ATP8B4: variants seen among roughly 807,000 people sequenced by gnomAD.
ATP8B4 encodes the protein ATPase phospholipid transporting 8B4 (putative), also known as probable phospholipid-transporting ATPase IM.
A neutral mutation model predicts 145.6 loss-of-function variants in ATP8B4; 133 were observed. The ratio of observed to expected loss-of-function variants is 0.91; its 90% CI spans 0.79 to 1.05. The LOEUF (loss-of-function observed/expected upper bound fraction) is 1.05, where lower values mean the gene tolerates loss of function less well. ATP8B4 is among the 50% of genes least tolerant of loss of function. ATP8B4 has a pLI of 0.00. For synonymous variants in ATP8B4, 507 were observed against 492.9 expected (o/e 1.03, Z -0.38); for missense variants, 1,458 against 1,425.2 (o/e 1.02, Z -0.37).
intron 1 of ATP8B4, among the ~76,000 whole-genome samples, chr15:50,143,781 G>A (rs563434850): frequency 1.4e-3 from 218 of 152,250 alleles, no homozygotes; most frequent in African/African-American, 4.9e-3. Context: ...ATGGAACAGC[G>A]TGATTAAAGG....
At chr15:49,931,497 C>T (rs1032258736) in intron 15 of ATP8B4, among the ~76,000 whole-genome samples, 190 bp from the exon 16 acceptor site, 2 of 151,998 alleles carry the variant, frequency 1.3e-5, no homozygotes, top group African/African-American at 4.8e-5. Flanking sequence ...CCATAGGACT[C>T]TATGCATATC....
At chr15:49,927,753 A>G (rs781567753) in intron 16 of ATP8B4, among the ~76,000 whole-genome samples, 1 of 152,042 alleles carries the variant, frequency 6.6e-6, no homozygotes, top group Non-Finnish European at 1.5e-5. Flanking sequence ...CATCAATAAC[A>G]CCTTCCCTGA....
intron 16 of ATP8B4, among the ~76,000 whole-genome samples, chr15:49,930,530 TG>T (rs1348314540): frequency 1.3e-5 from 2 of 152,002 alleles, no homozygotes; most frequent in African/African-American, 4.8e-5. Flanking sequence ...TCTCCAGCAA[TG>T]GAGGTGGACA....
chr15:49,898,816 G>A (rs778897861), intron 21 of ATP8B4, among the ~76,000 whole-genome samples: 1 of 152,170 alleles, frequency 6.6e-6, no homozygotes, highest in Non-Finnish European at 1.5e-5. Flanking sequence ...AGGGGGGCAC[G>A]CAAGCTGCGT....
intron 6 of ATP8B4, among the ~76,000 whole-genome samples, chr15:50,025,670 T>C (rs1157276447): frequency 1.3e-5 from 2 of 152,236 alleles, no homozygotes; most frequent in Non-Finnish European, 2.9e-5. Context: ...CCACACTCTT[T>C]TCCTTAGCAG....
chr15:49,919,086 G>T, intron 18 of ATP8B4, 136 bp from the exon 19 acceptor site: 1 of 659,588 alleles, frequency 1.5e-6, no homozygotes, highest in Non-Finnish European at 2.5e-6. Flanking sequence ...TGATATAGCA[G>T]GCATCCTATT....
chr15:49,912,681 T>C (rs2039351056), intron 20 of ATP8B4, among the ~76,000 whole-genome samples: 1 of 152,120 alleles, frequency 6.6e-6, no homozygotes, highest in African/African-American at 2.4e-5. Context: ...AAGGCCAGCA[T>C]TACCCTCATA....
chr15:50,173,570 C>T (rs1237168295), intron 1 of ATP8B4, among the ~76,000 whole-genome samples: 2 of 152,090 alleles, frequency 1.3e-5, no homozygotes, highest in African/African-American at 2.4e-5. Context: ...AGGCAGAAGG[C>T]GGCAGGGCCC....
chr15:49,879,868 G>A (rs931011343), intron 23 of ATP8B4: 2 of 154,948 alleles, frequency 1.3e-5, no homozygotes, highest in Non-Finnish European at 2.9e-5. Flanking sequence ...AAAATCTTCA[G>A]AGATAAATAT....
intron 1 of ATP8B4, among the ~76,000 whole-genome samples, chr15:50,156,256 G>A (rs894180751): frequency 1.3e-5 from 2 of 150,874 alleles, no homozygotes; most frequent in Non-Finnish European, 3.0e-5. Context: ...ACCAAACAAA[G>A]CAATTTTTAT....
chr15:49,981,413 T>C (rs2046143943), intron 10 of ATP8B4, 119 bp from the exon 11 acceptor site: 1 of 779,266 alleles, frequency 1.3e-6, no homozygotes, highest in Non-Finnish European at 2.0e-6. Flanking sequence ...AATTTAACTT[T>C]TATTAAGAGC....
At chr15:49,911,293 G>A (rs1487789123) in intron 20 of ATP8B4, among the ~76,000 whole-genome samples, 1 of 151,948 alleles carries the variant, frequency 6.6e-6, no homozygotes, top group Non-Finnish European at 1.5e-5. Flanking sequence ...AACCTGTAAA[G>A]ACACCTATAG....
upstream of ATP8B4, among the ~76,000 whole-genome samples, chr15:50,122,782 A>G (rs150043355): frequency 1.2e-4 from 18 of 152,298 alleles, no homozygotes; most frequent in South Asian, 1.7e-3. Flanking sequence ...TAAAGTCTAC[A>G]CTGGAGTCTA....
In ATP8B4 at chr15:49,898,091, G is replaced by C. The variant is rs1226310863; in HGVS notation, c.2450C>G (p.Ala817Gly). 1.2e-6 allele frequency: 2 copies of C among 1,613,582 alleles called. No individual in the cohort carries two copies. Among genetic ancestry groups the C allele is most frequent in the African/African-American group, 2.7e-5 (2 of 74,838 alleles). Residue 817 changes from alanine to glycine, a missense_variant, in exon 22 of 28, where the codon GCC (alanine) becomes GGC (glycine). Physicochemically the swap from Ala to Gly is moderately conservative, Grantham distance 60. Coordinates refer to ENST00000284509, the MANE Select transcript of ATP8B4 (RefSeq NM_024837.4). ...NAVTLAIGDG[A>G]NDVSMIKSAH... The stretch of plus-strand genomic sequence containing the variant: ...ACTTTTAATCATGCTGACATCATTG[G>C]CTCCATCACCAATGGCCAAAGTAAC...
chr15:50,030,820 T>A (rs2050378467), intron 6 of ATP8B4, among the ~76,000 whole-genome samples: 1 of 152,216 alleles, frequency 6.6e-6, no homozygotes, highest in African/African-American at 2.4e-5. Context: ...TTCCTCTTAT[T>A]TCAAGATGTA....
rs189746831 is a variant in ATP8B4, at chr15:50,132,493, C to T, written c.-42-25485G>A. On this transcript the variant is annotated intron_variant, in intron 1 of 3. Coordinates refer to the ATP8B4 transcript ENST00000558829. ...TGCAGAGGATGTGGAGAAATAGGAA[C>T]GCTTTTAAATTGTTGGTGGGAGTGT... Among the ~76,000 whole-genome samples, 11 of 152,258 alleles carry T rather than the reference C, an allele frequency of 7.2e-5. No individual in the cohort carries two copies. The South Asian group carries it at 8.3e-4, about 11-fold the overall frequency.
chr15:50,085,971 G>GATATATATCATATATATTTAT (rs1175623340), intron 2 of ATP8B4, among the ~76,000 whole-genome samples: 3 of 73,216 alleles, frequency 4.1e-5, no homozygotes, highest in African/African-American at 2.4e-4. Flanking sequence ...ATTTATATAT[G>GATATATATCATATATATTTAT]ATATATCAAA....
intron 23 of ATP8B4, among the ~76,000 whole-genome samples, chr15:49,893,497 C>A (rs747671516): frequency 6.6e-6 from 1 of 152,122 alleles, no homozygotes; most frequent in African/African-American, 2.4e-5. Flanking sequence ...CTGCCACATG[C>A]TACAACATGG....
At chr15:49,917,072 T>C (rs1318232254) in intron 19 of ATP8B4, 33 bp from the exon 20 acceptor site, 2 of 1,596,510 alleles carry the variant, frequency 1.3e-6, no homozygotes, top group Non-Finnish European at 1.7e-6. Context: ...TCAGTTAAAA[T>C]GTTACTTAAT....
Sources: allele counts gnomAD v4.1 joint callset (sites outside exome capture counted in the v4.1 genomes callset), GRCh38; gene constraint gnomAD v4.1.1; transcripts MANE v1.5; gene names NCBI Gene and HGNC (gene_info 2026-07-23, HGNC 2026-07-21).